FOXN3: variants seen among roughly 807,000 people sequenced by gnomAD.
The protein encoded by FOXN3 is forkhead box protein N3.
A neutral mutation model predicts 38.4 loss-of-function variants in FOXN3; 7 were observed. The ratio of observed to expected loss-of-function variants is 0.18; its 90% CI spans 0.10 to 0.34. The LOEUF (loss-of-function observed/expected upper bound fraction) is 0.34. Ranked by LOEUF, FOXN3 falls within the 10% of genes least tolerant of loss-of-function variation. The pLI, the probability that FOXN3 is intolerant of heterozygous loss-of-function variation, is 1.00. For synonymous variants in FOXN3, 230 were observed against 242.2 expected (o/e 0.95, Z 0.47); for missense variants, 456 against 613.4 (o/e 0.74, Z 2.71).
chr14:89,448,038 T>G (rs1892543335), intron 1 of FOXN3, among the ~76,000 whole-genome samples: 1 of 151,996 alleles, frequency 6.6e-6, no homozygotes, highest in South Asian at 2.1e-4. Context: ...GGTCTCGAAC[T>G]CCTGACCTCG....
At chr14:89,409,971 G>A (rs1891498687) in intron 2 of FOXN3, among the ~76,000 whole-genome samples, 1 of 151,742 alleles carries the variant, frequency 6.6e-6, no homozygotes, top group Non-Finnish European at 1.5e-5. Context: ...TGGGGAGGAG[G>A]GAACCAGAAA....
intron 3 of FOXN3, among the ~76,000 whole-genome samples, chr14:89,339,502 G>GC (rs1230755538): frequency 1.2e-4 from 18 of 152,318 alleles, no homozygotes; most frequent in Non-Finnish European, 2.4e-4. Context: ...CTGCACCAGG[G>GC]CAAGCGTGTG....
chr14:89,237,389 T>C (rs184342235), intron 4 of FOXN3, among the ~76,000 whole-genome samples: 10 of 152,314 alleles, frequency 6.6e-5, no homozygotes, highest in African/African-American at 2.4e-4. Context: ...CTCATGAGAA[T>C]GTAAAATGGT....
rs572566533 is a variant in FOXN3 at position 89,509,903 on chromosome 14, A to G, written c.-14-97413T>C. 3.3e-5 allele frequency among the ~76,000 whole-genome samples: 5 copies of G among 152,382 alleles called. No individual in the cohort carries two copies. The East Asian group carries it at 9.6e-4, about 29-fold the overall frequency. ...AAAATGACCCATTGTGGCAGATTGC[A>G]GGAGATAGTTTTATCCTGTCATGCA... On this transcript the variant is annotated intron_variant, in intron 1 of 6. Transcript: ENST00000345097.
intron 3 of FOXN3, among the ~76,000 whole-genome samples, chr14:89,311,135 A>T (rs9743533): frequency 0.27 from 39,899 of 146,104 alleles, 5,652 homozygotes; most frequent in South Asian, 0.34. Flanking sequence ...GACATCTTTT[A>T]AAAAAAATCT....
intron 1 of FOXN3, among the ~76,000 whole-genome samples, chr14:89,466,086 C>T (rs955821236): frequency 3.9e-5 from 6 of 152,230 alleles, no homozygotes; most frequent in African/African-American, 1.4e-4. Flanking sequence ...AGGAGTCAGC[C>T]AGCAAACACA....
At chr14:89,464,792 G>A (rs1432389025) in intron 1 of FOXN3, among the ~76,000 whole-genome samples, 1 of 152,054 alleles carries the variant, frequency 6.6e-6, no homozygotes, top group Non-Finnish European at 1.5e-5. Flanking sequence ...CCACCTCCGG[G>A]GCTCAAGCGA....
At chr14:89,618,040 C>T (rs1896525183) in intron 1 of FOXN3, among the ~76,000 whole-genome samples, 1 of 152,202 alleles carries the variant, frequency 6.6e-6, no homozygotes, top group African/African-American at 2.4e-5. Context: ...AACAGGATGT[C>T]TTCCTTAGCT....
chr14:89,517,293 G>A (rs1894226009), intron 1 of FOXN3, among the ~76,000 whole-genome samples: 1 of 150,596 alleles, frequency 6.6e-6, no homozygotes, highest in Admixed American at 6.6e-5. Flanking sequence ...AACCTGGGAG[G>A]CGGAGGTTGC....
chr14:89,573,092 G>A (rs189117938), intron 1 of FOXN3, among the ~76,000 whole-genome samples: 267 of 152,264 alleles, frequency 1.8e-3, no homozygotes, highest in Admixed American at 0.016. Flanking sequence ...AAGGAGGTGC[G>A]TCACCTAGTG....
At chr14:89,610,127 T>C (rs1896359521) in intron 1 of FOXN3, among the ~76,000 whole-genome samples, 1 of 152,180 alleles carries the variant, frequency 6.6e-6, no homozygotes, top group Non-Finnish European at 1.5e-5. Flanking sequence ...AAAACATCTA[T>C]AGTTGCAAGA....
rs796521367 is a variant in FOXN3 at position 89,613,069 on chromosome 14, A to G, written c.-15+5959T>C. On this transcript the variant is annotated intron_variant, in intron 1 of 6. Transcript: ENST00000345097. ...GAGGCGGAGGTTGCAGTCAGCCGAGATCGCGCCATTGCAGTCCTGCCTGGG... is the reference window on the plus strand; with the variant it reads ...GAGGCGGAGGTTGCAGTCAGCCGAGGTCGCGCCATTGCAGTCCTGCCTGGG... 5.8e-5 allele frequency among the ~76,000 whole-genome samples: 8 copies of G among 138,484 alleles called. 1 individual carries two copies. The South Asian group carries it at 2.0e-3, about 34-fold the overall frequency. 90.9% of individuals were successfully genotyped at this position (138,484 alleles called of 152,430 possible).
At chr14:89,527,384 A>G (rs1438032044) in intron 1 of FOXN3, among the ~76,000 whole-genome samples, 2 of 152,242 alleles carry the variant, frequency 1.3e-5, no homozygotes, top group Non-Finnish European at 2.9e-5. Context: ...GATAAATATG[A>G]CTTCAAAATT....
chr14:89,561,227 T>G (rs1895243098), intron 1 of FOXN3, among the ~76,000 whole-genome samples: 1 of 152,256 alleles, frequency 6.6e-6, no homozygotes, highest in African/African-American at 2.4e-5. Flanking sequence ...GTTTATTTAT[T>G]TAGAGACGGA....
intron 1 of FOXN3, among the ~76,000 whole-genome samples, chr14:89,609,649 C>T (rs182014237): frequency 2.6e-5 from 4 of 152,112 alleles, no homozygotes; most frequent in East Asian, 3.9e-4. Flanking sequence ...TTAAGTAACT[C>T]GCCTAAAGTC....
At chr14:89,219,854 G>A (rs1162821649) in intron 4 of FOXN3, among the ~76,000 whole-genome samples, 5 of 152,162 alleles carry the variant, frequency 3.3e-5, no homozygotes, top group African/African-American at 7.2e-5. Context: ...ATCCAGCAGC[G>A]CCCCTGAGAT....
At position 89,346,765 on chromosome 14, in the gene FOXN3, T is replaced by C. The variant is rs544964816; in HGVS notation, c.680+3907A>G. 3.3e-5 allele frequency among the ~76,000 whole-genome samples: 5 copies of C among 152,306 alleles called. No individual in the cohort carries two copies. In the South Asian group the frequency reaches 1.0e-3, roughly 32 times the overall value. Reference sequence around the variant, plus strand: ...GGAGTGGAGAGTTCCGTCCCACCTCTTTCAGTGGAGAAAGAGCTACATCAA... The same window carrying C: ...GGAGTGGAGAGTTCCGTCCCACCTCCTTCAGTGGAGAAAGAGCTACATCAA... On this transcript the variant is annotated intron_variant, in intron 3 of 5. Coordinates refer to ENST00000557258, the MANE Select transcript of FOXN3 (RefSeq NM_005197.4).
intron 1 of FOXN3, among the ~76,000 whole-genome samples, chr14:89,519,222 G>A (rs1487279972): frequency 1.3e-5 from 2 of 152,172 alleles, no homozygotes; most frequent in Non-Finnish European, 2.9e-5. Context: ...GGGAATCCCA[G>A]TGTATCTGAA....
At chr14:89,435,373 TAA>T (rs763454392) in intron 1 of FOXN3, among the ~76,000 whole-genome samples, 72 of 131,234 alleles carry the variant, frequency 5.5e-4, no homozygotes, top group African/African-American at 7.6e-4. Context: ...CCCTGTCTCT[TAA>T]AAAAAAAAAA....
Sources: gnomAD v4.1 joint callset for allele counts (sites outside exome capture counted in the v4.1 genomes callset) on GRCh38, gnomAD v4.1.1 for gene constraint, MANE v1.5 for transcripts, NCBI Gene and HGNC (gene_info 2026-07-23, HGNC 2026-07-21) for gene names.